C3orf70: variants seen among roughly 807,000 people sequenced by gnomAD.
C3orf70 encodes the protein UPF0524 protein C3orf70.
C3orf70 carries 15 observed loss-of-function variants against 20.7 expected under a neutral mutation model. That is an observed-to-expected ratio of 0.72 (90% CI 0.48 to 1.11). C3orf70 has a LOEUF of 1.11. Among genes scored for constraint, C3orf70 ranks in the 50% most tolerant of loss-of-function variants. The pLI, the probability that C3orf70 is intolerant of heterozygous loss-of-function variation, is 0.00. For synonymous variants in C3orf70, 161 were observed against 125.7 expected (o/e 1.28, Z -1.88); for missense variants, 332 against 317.6 (o/e 1.05, Z -0.34).
chr3:185,080,571 A>T lies in C3orf70; in HGVS notation c.*2436T>A, dbSNP rs1267676545. ...CCATCTGGAGAACGGGCTCACCCAC[A>T]GGGTGAATCTAGACAGGGCCCTGGT... On this transcript the variant is annotated 3_prime_UTR_variant, in exon 2 of 2. Transcript: ENST00000335012. The T allele has an allele frequency of 6.5e-6, 1 of 152,730 alleles. No individual in the cohort carries two copies. Among genetic ancestry groups the T allele is most frequent in the African/African-American group, 2.4e-5 (1 of 41,456 alleles). The allele number at this position is 152,730 out of a possible 1,614,324, so 9.5% of individuals were successfully genotyped here.
chr3:185,141,801 A>C lies in C3orf70; in HGVS notation c.196+10827T>G, dbSNP rs1268532125. 2.0e-5 allele frequency among the ~76,000 whole-genome samples: 3 copies of C among 146,460 alleles called. No individual in the cohort carries two copies. In the East Asian group the frequency reaches 6.0e-4, roughly 29 times the overall value. ...GTATGCAGTGGGGAAATGCAAAGGAAACACACACACACACACACACACACA... is the reference window on the plus strand; with the variant it reads ...GTATGCAGTGGGGAAATGCAAAGGACACACACACACACACACACACACACA... On this transcript the variant is annotated intron_variant, in intron 1 of 1. Coordinates refer to ENST00000335012, the MANE Select transcript of C3orf70 (RefSeq NM_001025266.3).
At chr3:185,090,948 G>A (rs1715556573) in intron 1 of C3orf70, among the ~76,000 whole-genome samples, 1 of 152,126 alleles carries the variant, frequency 6.6e-6, no homozygotes, top group Admixed American at 6.6e-5. Context: ...TCTTTAGTGT[G>A]GCGGAACATA....
chr3:185,124,998 G>A (rs781371556), intron 1 of C3orf70, among the ~76,000 whole-genome samples: 7 of 151,800 alleles, frequency 4.6e-5, no homozygotes, highest in Non-Finnish European at 7.4e-5. Context: ...TTTTTTAAGC[G>A]CTGACATTGT....
In C3orf70 at chr3:185,152,904, G is replaced by A. The variant is rs1203116648; in HGVS notation, c.-81C>T. ...GTGGGCAGGAAGCCGAGCCGGCTGC[G>A]GACGCGGGAGGGCGCGGCACGGGCC... On this transcript the variant is annotated 5_prime_UTR_variant, in exon 1 of 2. Transcript: ENST00000335012. 11 of 1,290,026 alleles carry A rather than the reference G, an allele frequency of 8.5e-6. No homozygotes were observed. Among genetic ancestry groups the A allele is most frequent in the South Asian group, 1.7e-5 (1 of 59,400 alleles). The allele number at this position is 1,290,026 out of a possible 1,614,324, so 79.9% of individuals were successfully genotyped here. A position where few individuals can be genotyped will look rare whatever the true frequency, so the allele number is the denominator to read the frequency against.
In C3orf70 at chr3:185,121,365, A is replaced by C. The variant is rs556224815; in HGVS notation, c.196+31263T>G. Reference sequence around the variant, plus strand: ...CCCAAAATCTATGGAAATTAAAAAAAAAAAAAAAAGAAGCATGATTCTGTT... The same window carrying C: ...CCCAAAATCTATGGAAATTAAAAAACAAAAAAAAAGAAGCATGATTCTGTT... On this transcript the variant is annotated intron_variant, in intron 1 of 1. Coordinates refer to ENST00000335012, the MANE Select transcript of C3orf70 (RefSeq NM_001025266.3). 5.3e-3 allele frequency among the ~76,000 whole-genome samples: 812 copies of C among 152,216 alleles called. 11 individuals carry two copies. The highest frequency in any genetic ancestry group is 0.019 in the African/African-American group (789 of 41,532).
At chr3:185,139,550 C>CAAAA (rs35792284) in intron 1 of C3orf70, among the ~76,000 whole-genome samples, 1 of 135,696 alleles carries the variant, frequency 7.4e-6, no homozygotes, top group Admixed American at 7.3e-5. Context: ...AAGACTGTCT[C>CAAAA]AAAAAAAAAA....
At chr3:185,136,498 G>A (rs1348478064) in intron 1 of C3orf70, among the ~76,000 whole-genome samples, 1 of 152,158 alleles carries the variant, frequency 6.6e-6, no homozygotes, top group African/African-American at 2.4e-5. Context: ...CAAGGCGGGT[G>A]GATCACAAGG....
At chr3:185,094,910 T>C (rs1356084178) in intron 1 of C3orf70, among the ~76,000 whole-genome samples, 1 of 152,174 alleles carries the variant, frequency 6.6e-6, no homozygotes, top group African/African-American at 2.4e-5. Context: ...GGACGGCTGC[T>C]GACAGGGCAC....
At chr3:185,124,237 C>A (rs2108600256) in intron 1 of C3orf70, among the ~76,000 whole-genome samples, 1 of 152,272 alleles carries the variant, frequency 6.6e-6, no homozygotes, top group Non-Finnish European at 1.5e-5. Flanking sequence ...ATCCTGAAAT[C>A]AATCCCCCAT....
intron 1 of C3orf70, among the ~76,000 whole-genome samples, chr3:185,092,926 G>A (rs1360448376): frequency 6.6e-6 from 1 of 151,240 alleles, no homozygotes; most frequent in Non-Finnish European, 1.5e-5. Flanking sequence ...GTAAGGTGGA[G>A]GTTGCAGTGA....
At chr3:185,086,315 G>T (rs1715458279) in intron 1 of C3orf70, among the ~76,000 whole-genome samples, 1 of 152,024 alleles carries the variant, frequency 6.6e-6, no homozygotes, top group South Asian at 2.1e-4. Context: ...AAAGTGTAGT[G>T]CTGTGGACTG....
intron 1 of C3orf70, among the ~76,000 whole-genome samples, chr3:185,084,709 G>C (rs1715424108): frequency 6.6e-6 from 1 of 152,120 alleles, no homozygotes; most frequent in Non-Finnish European, 1.5e-5. Context: ...AACCTAAATG[G>C]ATTTGGTCCT....
rs953877416 is a variant in C3orf70, at chr3:185,077,651, C to A, written c.*5356G>T. On this transcript the variant is annotated 3_prime_UTR_variant, in exon 2 of 2. Transcript: ENST00000335012. ...TGAGTCTTGGTGACCAAGCGACCCC[C>A]CCAAGCTCTGCCGGGCAGCAGCCTC... Among the ~76,000 whole-genome samples the A allele has an allele frequency of 6.6e-6, 1 of 152,170 alleles. No individual in the cohort carries two copies. Among genetic ancestry groups the A allele is most frequent in the African/African-American group, 2.4e-5 (1 of 41,430 alleles).
intron 1 of C3orf70, among the ~76,000 whole-genome samples, chr3:185,096,826 C>T (rs1488062888): frequency 6.6e-6 from 1 of 152,168 alleles, no homozygotes; most frequent in Non-Finnish European, 1.5e-5. Context: ...TACACAGCCA[C>T]ACCATTAGTT....
chr3:185,113,655 G>A (rs904520130), intron 1 of C3orf70, among the ~76,000 whole-genome samples: 7 of 152,126 alleles, frequency 4.6e-5, no homozygotes, highest in Non-Finnish European at 1.0e-4. Flanking sequence ...TAAAATTCCA[G>A]TTGTGATATA....
At chr3:185,104,278 G>C (rs181929937) in intron 1 of C3orf70, among the ~76,000 whole-genome samples, 1 of 152,146 alleles carries the variant, frequency 6.6e-6, no homozygotes, top group African/African-American at 2.4e-5. Flanking sequence ...ACCCTGACCT[G>C]TTTCAACACC....
chr3:185,102,044 A>G (rs1296356978), intron 1 of C3orf70, among the ~76,000 whole-genome samples: 1 of 152,206 alleles, frequency 6.6e-6, no homozygotes, highest in African/African-American at 2.4e-5. Context: ...TACCACTCCT[A>G]TTCAACATAG....
In C3orf70 at chr3:185,079,280, C is replaced by CAAAAAAAAA. The variant is rs60241057; in HGVS notation, c.*3718_*3726dup. ...TGGGTGAAGGAGCGAGACTCTGTCT[C>CAAAAAAAAA]AAAAAAAAAAAAAAAAAAAAAAAAG... On this transcript the variant is annotated 3_prime_UTR_variant, in exon 2 of 2. Coordinates refer to ENST00000335012, the MANE Select transcript of C3orf70 (RefSeq NM_001025266.3). The CAAAAAAAAA allele has an allele frequency of 4.6e-3, 235 of 50,618 alleles. 12 individuals carry two copies. Among genetic ancestry groups the CAAAAAAAAA allele is most frequent in the African/African-American group, 0.015 (227 of 15,408 alleles). The allele number at this position is 50,618 out of a possible 1,614,324, so 3.1% of individuals were successfully genotyped here. A position where few individuals can be genotyped will look rare whatever the true frequency, so the allele number is the denominator to read the frequency against.
At chr3:185,149,623 A>G (rs1277987413) in intron 1 of C3orf70, among the ~76,000 whole-genome samples, 2 of 152,234 alleles carry the variant, frequency 1.3e-5, no homozygotes, top group Non-Finnish European at 2.9e-5. Flanking sequence ...TACCAAAAAG[A>G]AAGGAGAACT....
Sources: allele counts gnomAD v4.1 joint callset (sites outside exome capture counted in the v4.1 genomes callset), GRCh38; gene constraint gnomAD v4.1.1; transcripts MANE v1.5; gene names NCBI Gene and HGNC (gene_info 2026-07-23, HGNC 2026-07-21).